GABRB2: variants seen among roughly 807,000 people sequenced by gnomAD.
GABRB2 encodes gamma-aminobutyric acid receptor subunit beta-2.
Under a neutral mutation model 54.7 loss-of-function variants are expected in GABRB2, and 16 were observed. That is an observed-to-expected ratio of 0.29 (90% CI 0.20 to 0.44). The LOEUF (loss-of-function observed/expected upper bound fraction) is 0.44, where lower values mean the gene tolerates loss of function less well. Among genes scored for constraint, GABRB2 ranks in the 20% least tolerant of loss-of-function variants. GABRB2 has a pLI of 1.00. For missense variants in GABRB2, 355 were observed against 644.0 expected (o/e 0.55, Z 4.86); for synonymous variants, 244 against 233.8 (o/e 1.04, Z -0.40).
intron 3 of GABRB2, among the ~76,000 whole-genome samples, chr5:161,503,960 G>C (rs916281591): frequency 1.3e-5 from 2 of 152,098 alleles, no homozygotes; most frequent in African/African-American, 2.4e-5. Context: ...TAAATATAAA[G>C]ATGGACTGTC....
chr5:161,398,955 G>C (rs891379437), intron 5 of GABRB2, among the ~76,000 whole-genome samples: 1 of 152,126 alleles, frequency 6.6e-6, no homozygotes, highest in African/African-American at 2.4e-5. Flanking sequence ...CCAACTCAAA[G>C]TTAAGTGATT....
At chr5:161,402,583 A>C (rs948358165) in intron 5 of GABRB2, among the ~76,000 whole-genome samples, 1 of 152,240 alleles carries the variant, frequency 6.6e-6, no homozygotes, top group East Asian at 1.9e-4. Context: ...AAAATTAAAA[A>C]GAGAAACATC....
intron 3 of GABRB2, among the ~76,000 whole-genome samples, chr5:161,536,360 T>A (rs1006601478): frequency 1.4e-4 from 21 of 152,214 alleles, no homozygotes; most frequent in African/African-American, 4.3e-4. Context: ...TGTGTGGGCA[T>A]AATTTGTTTG....
At chr5:161,538,523 A>G (rs1760712807) in intron 3 of GABRB2, among the ~76,000 whole-genome samples, 1 of 152,194 alleles carries the variant, frequency 6.6e-6, no homozygotes, top group African/African-American at 2.4e-5. Flanking sequence ...ATGTAACTAT[A>G]AGAATAGTAA....
intron 3 of GABRB2, among the ~76,000 whole-genome samples, chr5:161,497,713 AC>A (rs1759301202): frequency 6.6e-6 from 1 of 152,052 alleles, no homozygotes; most frequent in African/African-American, 2.4e-5. Context: ...CTACTTGTCC[AC>A]TCTGCCCTCT....
At chr5:161,482,455 G>C (rs143379260) in intron 3 of GABRB2, among the ~76,000 whole-genome samples, 1 of 152,192 alleles carries the variant, frequency 6.6e-6, no homozygotes, top group East Asian at 1.9e-4. Flanking sequence ...TATTGTCTCA[G>C]AGACTGCCTC....
intron 4 of GABRB2, 121 bp from the exon 5 acceptor site, chr5:161,411,178 T>C: frequency 1.5e-6 from 1 of 685,710 alleles, no homozygotes; most frequent in Non-Finnish European, 2.5e-6. Flanking sequence ...AAATGACTGA[T>C]GCAACTTTGG....
chr5:161,387,321 A>G (rs1755675155), intron 5 of GABRB2, among the ~76,000 whole-genome samples: 1 of 152,078 alleles, frequency 6.6e-6, no homozygotes, highest in South Asian at 2.1e-4. Flanking sequence ...ACCCAAGACA[A>G]GCAAAATACC....
intron 3 of GABRB2, among the ~76,000 whole-genome samples, chr5:161,530,201 A>T (rs150452711): frequency 6.6e-6 from 1 of 152,246 alleles, no homozygotes; most frequent in African/African-American, 2.4e-5. Flanking sequence ...TTAAGGGAGA[A>T]CATGAACAAT....
intron 5 of GABRB2, among the ~76,000 whole-genome samples, chr5:161,342,304 T>G (rs1020232635): frequency 1.3e-5 from 2 of 151,944 alleles, no homozygotes; most frequent in African/African-American, 2.4e-5. Context: ...AAATACCTCA[T>G]CATAAAATAA....
chr5:161,528,100 C>T (rs1205801869), intron 3 of GABRB2, among the ~76,000 whole-genome samples: 1 of 151,736 alleles, frequency 6.6e-6, no homozygotes, highest in African/African-American at 2.4e-5. Flanking sequence ...GCTGCATTCA[C>T]ACAAGGGAAT....
intron 5 of GABRB2, among the ~76,000 whole-genome samples, chr5:161,348,102 G>A (rs929886952): frequency 1.3e-5 from 2 of 151,956 alleles, no homozygotes; most frequent in Admixed American, 6.6e-5. Context: ...GAAAAAAATT[G>A]TTATTCTAAA....
intron 5 of GABRB2, among the ~76,000 whole-genome samples, chr5:161,346,350 A>C (rs1013159980): frequency 2.6e-5 from 4 of 152,092 alleles, no homozygotes; most frequent in Non-Finnish European, 5.9e-5. Flanking sequence ...CCCTGGCGAA[A>C]AGTGGATATA....
At chr5:161,309,287 C>A (rs252967) in intron 9 of GABRB2, among the ~76,000 whole-genome samples, 15,346 of 152,082 alleles carry the variant, frequency 0.1, 995 homozygotes, top group Non-Finnish European at 0.14. Flanking sequence ...TGGAGAAATG[C>A]AAATCAAAAC....
chr5:161,541,436 C>A (rs920475782), intron 3 of GABRB2, among the ~76,000 whole-genome samples: 1 of 152,210 alleles, frequency 6.6e-6, no homozygotes, highest in East Asian at 1.9e-4. Flanking sequence ...CTATGACAGT[C>A]TTAGATGTCA....
chr5:161,395,387 C>A (rs1561635331), intron 5 of GABRB2, among the ~76,000 whole-genome samples: 1 of 152,126 alleles, frequency 6.6e-6, no homozygotes, highest in African/African-American at 2.4e-5. Flanking sequence ...ATTCCTTATT[C>A]ATCCAACTAT....
intron 3 of GABRB2, among the ~76,000 whole-genome samples, chr5:161,489,848 A>G (rs370186796): frequency 1.3e-5 from 2 of 151,936 alleles, no homozygotes; most frequent in African/African-American, 2.4e-5. Flanking sequence ...GAATATAAGA[A>G]TACAAGCTCC....
chr5:161,424,311 G>A (rs192800976), intron 4 of GABRB2, among the ~76,000 whole-genome samples: 1 of 152,140 alleles, frequency 6.6e-6, no homozygotes, highest in East Asian at 1.9e-4. Context: ...TAGCTAGAGA[G>A]GAGAAGTCAA....
intron 4 of GABRB2, among the ~76,000 whole-genome samples, chr5:161,451,808 T>C (rs576855094): frequency 1.2e-4 from 19 of 152,262 alleles, no homozygotes; most frequent in Non-Finnish European, 2.2e-4. Flanking sequence ...CATAATAAAC[T>C]ACATATATAC....
Sources: allele counts gnomAD v4.1 joint callset (sites outside exome capture counted in the v4.1 genomes callset), GRCh38; gene constraint gnomAD v4.1.1; transcripts MANE v1.5; gene names NCBI Gene and HGNC (gene_info 2026-07-23, HGNC 2026-07-21).